Variants in ENDOV observed in about 807,000 individuals in gnomAD.
ENDOV encodes endonuclease V, also known as hEndoV.
Under a neutral mutation model 39.4 loss-of-function variants are expected in ENDOV, and 37 were observed. The ratio of observed to expected loss-of-function variants is 0.94; its 90% CI spans 0.72 to 1.23. The LOEUF (loss-of-function observed/expected upper bound fraction) is 1.23, where lower values mean the gene tolerates loss of function less well. Among genes scored for constraint, ENDOV ranks in the 50% most tolerant of loss-of-function variants. The probability of loss-of-function intolerance (pLI) is 0.00; values close to 1 mark genes in which losing one functional copy is unlikely to be tolerated. For synonymous variants in ENDOV, 186 were observed against 163.4 expected, an observed-to-expected ratio of 1.14 and a Z score of -1.05; for missense variants, 441 against 375.7, an observed-to-expected ratio of 1.17 and a Z score of -1.44.
At position 80,435,106 on chromosome 17, in the gene ENDOV, T is replaced by C. The variant is rs562444395; in HGVS notation, c.839-1027T>C. On this transcript the variant is annotated intron_variant, in intron 9 of 9. Transcript: ENST00000518137. Reference sequence around the variant, plus strand: ...AAAATTGGGTTGTCATCTTGTTGAGTTGCAGAAGTTCTTTATATGTTCTGA... The same window carrying C: ...AAAATTGGGTTGTCATCTTGTTGAGCTGCAGAAGTTCTTTATATGTTCTGA... 6.3e-4 allele frequency among the ~76,000 whole-genome samples: 64 copies of C among 101,492 alleles called. No homozygotes were observed. The Middle Eastern group carries it at 0.025, about 40-fold the overall frequency. 66.6% of individuals were successfully genotyped at this position (101,492 alleles called of 152,430 possible). A position where few individuals can be genotyped will look rare whatever the true frequency, so the allele number is the denominator to read the frequency against.
chr17:80,421,411 C>T (rs1421585167), intron 2 of ENDOV, among the ~76,000 whole-genome samples: 2 of 129,468 alleles, frequency 1.5e-5, no homozygotes, highest in Admixed American at 1.5e-4. Flanking sequence ...GGGGCTCCTA[C>T]TATACACATC....
chr17:80,429,722 T>G, intron 8 of ENDOV, 51 bp from the exon 9 acceptor site: 1 of 1,535,212 alleles, frequency 6.5e-7, no homozygotes, highest in Non-Finnish European at 8.8e-7. Context: ...TGAGGGGGTG[T>G]CAGGTAGGCG....
At chr17:80,424,991 A>T in intron 5 of ENDOV, 41 bp from the exon 6 acceptor site, 1 of 1,554,766 alleles carries the variant, frequency 6.4e-7, no homozygotes, top group Non-Finnish European at 8.8e-7. Flanking sequence ...TTCACCAAGA[A>T]GAGAGGGGTT....
At chr17:80,426,792 G>A (rs1417330508) in intron 7 of ENDOV, among the ~76,000 whole-genome samples, 2 of 152,266 alleles carry the variant, frequency 1.3e-5, no homozygotes, top group African/African-American at 4.8e-5. Context: ...TTGGATGGCT[G>A]TGAGTTGGCA....
At chr17:80,415,859 C>CGGT (rs1424113475) in intron 2 of ENDOV, 38 bp downstream of exon 2, 1 of 1,559,480 alleles carries the variant, frequency 6.4e-7, no homozygotes, top group African/African-American at 1.4e-5. Context: ...GCGGGCCCCT[C>CGGT]GGTGGGCTCG....
intron 7 of ENDOV, chr17:80,427,398 A>C: frequency 4.1e-6 from 4 of 983,466 alleles, no homozygotes; most frequent in Non-Finnish European, 4.8e-6. Context: ...ACAGTGGCCC[A>C]TCCTTGCAAG....
At chr17:80,430,343 A>T in intron 9 of ENDOV, 1 of 1,527,834 alleles carries the variant, frequency 6.5e-7, no homozygotes, top group South Asian at 1.2e-5. Flanking sequence ...GCTCTTTTTT[A>T]TTCTTCTCAG....
rs917297714 is a variant in ENDOV, at chr17:80,423,502, C to T, written c.404-18C>T. The T allele has an allele frequency of 6.5e-7, 1 of 1,545,738 alleles. No individual in the cohort carries two copies. The highest frequency in any genetic ancestry group is 8.7e-7 in the Non-Finnish European group (1 of 1,144,004). ...CCAGCCCCACCTCCCCAACCCCACC[C>T]TCCTTTCTCTCTGGCAGGCTTTGGG... On this transcript the variant is annotated intron_variant, in intron 4 of 9. Transcript: ENST00000518137.
chr17:80,423,630 AAG>A lies in ENDOV; in HGVS notation c.515_516del (p.Lys172AsnfsTer68). 1 of 1,550,528 alleles carries A rather than the reference AAG, an allele frequency of 6.4e-7. No individual in the cohort carries two copies. The highest frequency in any genetic ancestry group is 8.7e-7 in the Non-Finnish European group (1 of 1,147,674). On this transcript the variant is annotated frameshift_variant and splice_region_variant, in exon 5 of 10. Transcript: ENST00000518137. LOFTEE classifies it high-confidence loss of function. Reference sequence around the variant, plus strand: ...GGAGAACAACGCCCTGCACAAGGAGAAGGTGAGGAGGGGCCTGCTGCAGGCCA... The same window carrying A: ...GGAGAACAACGCCCTGCACAAGGAGAGTGAGGAGGGGCCTGCTGCAGGCCA... ...GLENNALHKE[K>X]IRLLQTRGDS...
At chr17:80,430,194 T>C in intron 9 of ENDOV, 1 of 1,477,912 alleles carries the variant, frequency 6.8e-7, no homozygotes, top group Non-Finnish European at 8.9e-7. Context: ...AGAGGACAGA[T>C]CTCTATGGGG....
chr17:80,423,825 T>A, intron 5 of ENDOV, 193 bp downstream of exon 5: 1 of 588,448 alleles, frequency 1.7e-6, no homozygotes, highest in Non-Finnish European at 3.0e-6. Context: ...GAGGGCGCTC[T>A]GAGCTCCTCT....
rs1193308543 is a variant in ENDOV, at chr17:80,430,307, C to G, written c.838+476C>G. The G allele has an allele frequency of 1.8e-5, 27 of 1,513,006 alleles. No homozygotes were observed. In the South Asian group the frequency reaches 3.2e-4, roughly 18 times the overall value. 93.7% of individuals were successfully genotyped at this position (1,513,006 alleles called of 1,614,324 possible). ...ACCCCTGCAGCCTGTGCTTTGCCCA[C>G]CCCTTTCAATAGATGGAACTTGCTT... On this transcript the variant is annotated intron_variant, in intron 9 of 9. Coordinates refer to ENST00000518137, the MANE Select transcript of ENDOV (RefSeq NM_173627.5).
intron 7 of ENDOV, chr17:80,427,493 A>G (rs2145064470): frequency 2.0e-6 from 2 of 985,460 alleles, no homozygotes; most frequent in Non-Finnish European, 2.4e-6. Context: ...GAGCCTGCCA[A>G]ATCCTGGGCC....
chr17:80,428,843 C>T (rs1599443560), intron 8 of ENDOV, among the ~76,000 whole-genome samples, 183 bp downstream of exon 8: 2 of 152,176 alleles, frequency 1.3e-5, no homozygotes, highest in Non-Finnish European at 2.9e-5. Flanking sequence ...GTGGGGTAGA[C>T]TCCTATTCTC....
intron 2 of ENDOV, chr17:80,419,786 A>T (rs2081744474): frequency 1.5e-6 from 1 of 664,330 alleles, no homozygotes; most frequent in African/African-American, 1.8e-5. Context: ...CTCAGAATCA[A>T]ATGCAGGAAC....
chr17:80,428,375 G>C, intron 7 of ENDOV: 1 of 575,152 alleles, frequency 1.7e-6, no homozygotes, highest in Non-Finnish European at 3.1e-6. Flanking sequence ...GCCCAGCTCG[G>C]TTTGAGAGCT....
chr17:80,421,875 G>A lies in ENDOV; in HGVS notation c.276G>A (p.Val92=). Residue 92 remains valine, a synonymous_variant, in exon 3 of 10, where the codon GTG becomes GTA. Transcript: ENST00000518137. ...TGGTCAGCCTCACAGCCCCCTACGT[G>A]TCGGGCTTCCTGGCCTTCCGAGAGG... is the stretch of plus-strand genomic sequence containing the variant. The part of the protein sequence containing the change: ...SRMVSLTAPY[V]SGFLAFREVP... The A allele has an allele frequency of 6.2e-7, 1 of 1,607,178 alleles. No individual in the cohort carries two copies. Among genetic ancestry groups the A allele is most frequent in the South Asian group, 1.1e-5 (1 of 89,248 alleles).
In ENDOV at chr17:80,425,509, C is replaced by T; in HGVS notation, c.603C>T (p.Asp201=). The change falls in exon 7 of 10, where the codon GAC becomes GAT. Residue 201 remains aspartate (D), a synonymous_variant. Coordinates refer to ENST00000518137, the MANE Select transcript of ENDOV (RefSeq NM_173627.5). The part of the protein sequence containing the change: ...TVLGMALRSH[D]RSTRPLYISV... ...TGTCACAGGCCCTGAGGAGCCACGA[C>T]CGCAGCACCAGGCCCCTCTACATCT... 1 of 1,598,646 alleles carries T rather than the reference C, an allele frequency of 6.3e-7. No homozygotes were observed. The highest frequency in any genetic ancestry group is 1.1e-5 in the South Asian group (1 of 88,886).
chr17:80,422,110 C>A, intron 3 of ENDOV, 96 bp from the exon 4 acceptor site: 1 of 1,580,254 alleles, frequency 6.3e-7, no homozygotes. Context: ...AAAGCTGGAC[C>A]CCAGAGACAG....
Sources: allele counts gnomAD v4.1 joint callset (sites outside exome capture counted in the v4.1 genomes callset), GRCh38; gene constraint gnomAD v4.1.1; transcripts MANE v1.5; gene names NCBI Gene and HGNC (gene_info 2026-07-23, HGNC 2026-07-21).